CNOT6: variants seen among roughly 807,000 people sequenced by gnomAD.
The protein encoded by CNOT6 is CCR4-NOT transcription complex subunit 6.
Under a neutral mutation model 61.2 loss-of-function variants are expected in CNOT6, and 12 were observed. The observed-to-expected ratio is 0.20, with a 90% confidence interval of 0.13 to 0.32. The LOEUF is 0.32. Ranked by LOEUF, CNOT6 falls within the 10% of genes least tolerant of loss-of-function variation. The probability of loss-of-function intolerance (pLI) is 1.00; values close to 1 mark genes in which losing one functional copy is unlikely to be tolerated. For missense variants in CNOT6, 405 were observed against 663.9 expected (o/e 0.61, Z 4.28); for synonymous variants, 225 against 240.6 (o/e 0.94, Z 0.60).
intron 1 of CNOT6, among the ~76,000 whole-genome samples, chr5:180,515,728 A>G (rs1287344961): frequency 1.3e-5 from 2 of 152,128 alleles, no homozygotes; most frequent in Non-Finnish European, 2.9e-5. Context: ...ATTACTAAAA[A>G]AAAAGGGGGT....
intron 1 of CNOT6, among the ~76,000 whole-genome samples, chr5:180,516,131 G>A (rs1757626532): frequency 6.6e-6 from 1 of 150,866 alleles, no homozygotes; most frequent in Admixed American, 6.6e-5. Context: ...GAACTCTTGG[G>A]CTCAAGTGAT....
chr5:180,537,093 G>C (rs1337633136), intron 2 of CNOT6, among the ~76,000 whole-genome samples: 1 of 152,180 alleles, frequency 6.6e-6, no homozygotes, highest in Admixed American at 6.5e-5. Context: ...GCAATTTTTG[G>C]TAAAGCTACT....
Position 180,573,612 on chromosome 5 carries a change from C to T in CNOT6, c.1462-376C>T, listed in dbSNP as rs904730290. On this transcript the variant is annotated intron_variant, in intron 11 of 11. Coordinates refer to ENST00000261951, the MANE Select transcript of CNOT6 (RefSeq NM_001370472.1). Reference sequence around the variant, plus strand: ...GTGTGTGTGTGTGTGTCCGTCCGTCCGTCCGTCCTGGGGCAGGAAAGAACT... The same window carrying T: ...GTGTGTGTGTGTGTGTCCGTCCGTCTGTCCGTCCTGGGGCAGGAAAGAACT... Among the ~76,000 whole-genome samples, 19 of 134,420 alleles carry T rather than the reference C, an allele frequency of 1.4e-4. 1 individual carries two copies. Among genetic ancestry groups the T allele is most frequent in the African/African-American group, 3.9e-4 (14 of 36,298 alleles). 88.2% of individuals were successfully genotyped at this position (134,420 alleles called of 152,430 possible). A position where few individuals can be genotyped will look rare whatever the true frequency, so the allele number is the denominator to read the frequency against.
In CNOT6 at chr5:180,574,069, G is replaced by A; in HGVS notation, c.1543G>A (p.Val515Ile). Reference protein sequence around the residue: ...ILGPLDHHWLVENNISGCPHP... With the variant: ...ILGPLDHHWLIENNISGCPHP... ...GGGCCCTCTGGACCACCACTGGCTG[G>A]TTGAGAATAACATCAGTGGCTGCCC... Residue 515 changes from valine to isoleucine, a missense_variant, in exon 12 of 12, where the codon GTT becomes ATT. Physicochemically the swap from Val to Ile is conservative, Grantham distance 29. Coordinates refer to ENST00000261951, the MANE Select transcript of CNOT6 (RefSeq NM_001370472.1). 1.2e-6 allele frequency: 2 copies of A among 1,614,026 alleles called. No individual in the cohort carries two copies. Among genetic ancestry groups the A allele is most frequent in the South Asian group, 1.1e-5 (1 of 91,082 alleles).
At chr5:180,518,096 T>C (rs1031034808) in intron 1 of CNOT6, among the ~76,000 whole-genome samples, 1 of 152,228 alleles carries the variant, frequency 6.6e-6, no homozygotes, top group Non-Finnish European at 1.5e-5. Context: ...GATTATGTTA[T>C]CTCTCTTTTG....
chr5:180,569,125 T>G lies in CNOT6; in HGVS notation c.1043T>G (p.Leu348Arg), dbSNP rs750111420. 8 of 1,613,752 alleles carry G rather than the reference T, an allele frequency of 5.0e-6. No homozygotes were observed. Among genetic ancestry groups the G allele is most frequent in the Non-Finnish European group, 5.9e-6 (7 of 1,179,802 alleles). Residue 348 changes from leucine to arginine, a missense_variant, in exon 10 of 12, where the codon CTT becomes CGT. Leu to Arg is a moderately radical substitution (Grantham distance 102, BLOSUM62 -2). Coordinates refer to ENST00000261951, the MANE Select transcript of CNOT6 (RefSeq NM_001370472.1). ...TCTAATGTAGCCGGAAAGCCACATC[T>G]TGGAACAGAAAAACAACTTATTCTT... ...SIEMPSGKPH[L>R]GTEKQLILVA...
intron 2 of CNOT6, among the ~76,000 whole-genome samples, chr5:180,531,229 G>A (rs1426932195): frequency 2.7e-5 from 4 of 148,862 alleles, no homozygotes. Context: ...CTTCCCAGAC[G>A]GGGCGGCTGC....
chr5:180,535,853 G>A (rs1758659562), intron 2 of CNOT6, among the ~76,000 whole-genome samples: 1 of 152,012 alleles, frequency 6.6e-6, no homozygotes, highest in African/African-American at 2.4e-5. Context: ...CTTTCTGAGT[G>A]GTGTAAGATG....
intron 2 of CNOT6, among the ~76,000 whole-genome samples, chr5:180,537,013 A>G (rs149229109): frequency 1.3e-5 from 2 of 152,194 alleles, no homozygotes; most frequent in African/African-American, 2.4e-5. Context: ...GTAATATTCC[A>G]TTGTCTGGAT....
chr5:180,532,149 A>C (rs10516144), intron 2 of CNOT6, among the ~76,000 whole-genome samples: 70,989 of 152,116 alleles, frequency 0.47, 17,601 homozygotes, highest in Non-Finnish European at 0.56. Flanking sequence ...AATATGCACT[A>C]ATTTTGTAGT....
chr5:180,532,048 G>A (rs1309678268), intron 2 of CNOT6, among the ~76,000 whole-genome samples: 1 of 152,190 alleles, frequency 6.6e-6, no homozygotes, highest in Non-Finnish European at 1.5e-5. Context: ...ACCAAGTTCA[G>A]CTCAGTAAGT....
In CNOT6 at chr5:180,505,318, C is replaced by T. The variant is rs533722162; in HGVS notation, c.-3+10555C>T. Among the ~76,000 whole-genome samples, 188 of 118,634 alleles carry T rather than the reference C, an allele frequency of 1.6e-3. 13 individuals are homozygous for T. Among genetic ancestry groups the T allele is most frequent in the African/African-American group, 5.7e-3 (168 of 29,664 alleles). The allele number at this position is 118,634 out of a possible 152,430, so 77.8% of individuals were successfully genotyped here. On this transcript the variant is annotated intron_variant, in intron 1 of 11. Transcript: ENST00000261951. ...TCGCCCAGTCTGGACTGCAGTGGCG[C>T]GATCTCGGCTCACTGCAAGCTCCAC... is the stretch of plus-strand genomic sequence containing the variant.
At chr5:180,556,297 G>T (rs956781520) in intron 4 of CNOT6, among the ~76,000 whole-genome samples, 2 of 152,160 alleles carry the variant, frequency 1.3e-5, no homozygotes, top group Non-Finnish European at 2.9e-5. Context: ...AGAGGTGTTG[G>T]TCAGAGGGTG....
chr5:180,541,441 A>ATTTTTTTTT (rs1163850404), intron 2 of CNOT6, among the ~76,000 whole-genome samples: 9 of 106,576 alleles, frequency 8.4e-5, no homozygotes, highest in African/African-American at 3.7e-4. Flanking sequence ...TGGCCAAGAA[A>ATTTTTTTTT]TTTTTTTTTT....
chr5:180,552,394 C>G (rs1759653448), intron 3 of CNOT6, among the ~76,000 whole-genome samples: 1 of 130,904 alleles, frequency 7.6e-6, no homozygotes, highest in Non-Finnish European at 1.7e-5. Flanking sequence ...AATCCCAGCA[C>G]ACTTTGGGAG....
intron 4 of CNOT6, among the ~76,000 whole-genome samples, chr5:180,562,207 C>A (rs1389481786): frequency 6.6e-6 from 1 of 152,102 alleles, no homozygotes; most frequent in Non-Finnish European, 1.5e-5. Flanking sequence ...GCCTTCTCTC[C>A]TTTTTTCAGA....
intron 6 of CNOT6, among the ~76,000 whole-genome samples, chr5:180,565,334 A>G (rs1357025191): frequency 1.3e-5 from 2 of 152,222 alleles, no homozygotes; most frequent in Admixed American, 1.3e-4. Context: ...CCTAAATTCT[A>G]TGTAAATAGT....
intron 4 of CNOT6, among the ~76,000 whole-genome samples, chr5:180,559,485 A>G (rs540187625): frequency 2.0e-5 from 3 of 152,244 alleles, no homozygotes; most frequent in African/African-American, 4.8e-5. Flanking sequence ...TCTTGCCTCT[A>G]TTATTACATC....
chr5:180,564,621 T>C (rs371006309), intron 5 of CNOT6, 28 bp downstream of exon 5: 101 of 1,608,946 alleles, frequency 6.3e-5, no homozygotes, highest in Admixed American at 1.7e-4. Flanking sequence ...TAAACCTTTT[T>C]ATTAGGAAGA....
Sources: gnomAD v4.1 joint callset for allele counts (sites outside exome capture counted in the v4.1 genomes callset) on GRCh38, gnomAD v4.1.1 for gene constraint, MANE v1.5 for transcripts, NCBI Gene and HGNC (gene_info 2026-07-23, HGNC 2026-07-21) for gene names.